Variants in AUTS2 observed in about 807,000 individuals in gnomAD.
AUTS2 encodes the protein autism susceptibility gene 2 protein.
Under a neutral mutation model 112.4 loss-of-function variants are expected in AUTS2, and 17 were observed. The ratio of observed to expected loss-of-function variants is 0.15; its 90% CI spans 0.10 to 0.23. The LOEUF (loss-of-function observed/expected upper bound fraction) is 0.23, where lower values mean the gene tolerates loss of function less well. AUTS2 is among the 10% of genes least tolerant of loss of function. The pLI is 1.00. For synonymous variants in AUTS2, 751 were observed against 702.7 expected (o/e 1.07, Z -1.09); for missense variants, 1,510 against 1,701.6 (o/e 0.89, Z 1.98).
chr7:70,659,803 A>T (rs537628053), intron 5 of AUTS2, among the ~76,000 whole-genome samples: 5 of 152,282 alleles, frequency 3.3e-5, no homozygotes, highest in African/African-American at 1.2e-4. Flanking sequence ...AAGGGAAAAT[A>T]TGGCCAAGGG....
At chr7:70,261,606 C>G (rs558190072) in intron 4 of AUTS2, among the ~76,000 whole-genome samples, 2 of 152,226 alleles carry the variant, frequency 1.3e-5, no homozygotes, top group South Asian at 2.1e-4. Flanking sequence ...ATATCCTGAT[C>G]AAAACATTTA....
At chr7:70,030,563 A>G (rs1800728755) in intron 2 of AUTS2, among the ~76,000 whole-genome samples, 1 of 152,130 alleles carries the variant, frequency 6.6e-6, no homozygotes, top group African/African-American at 2.4e-5. Flanking sequence ...AGAATTCACC[A>G]TATACCCTTC....
Position 70,064,190 on chromosome 7 carries a change from G to A in AUTS2, c.523-53942G>A, listed in dbSNP as rs776621917. On this transcript the variant is annotated intron_variant, in intron 2 of 18. Coordinates refer to ENST00000342771, the MANE Select transcript of AUTS2 (RefSeq NM_015570.4). ...CTTGTCTGTCCTCTGTCAAGGGCTCGTGTACACCATGCTGATTTAGTGCTA... is the reference window on the plus strand; with the variant it reads ...CTTGTCTGTCCTCTGTCAAGGGCTCATGTACACCATGCTGATTTAGTGCTA... Among the ~76,000 whole-genome samples, 5 of 152,274 alleles carry A rather than the reference G, an allele frequency of 3.3e-5. 1 individual carries two copies. In the South Asian group the frequency reaches 6.2e-4, roughly 19 times the overall value.
Position 70,499,578 on chromosome 7 carries a change from T to C in AUTS2, c.690+63797T>C, listed in dbSNP as rs180683601. Among the ~76,000 whole-genome samples, 5 of 152,320 alleles carry C rather than the reference T, an allele frequency of 3.3e-5. No individual in the cohort carries two copies. The East Asian group carries it at 9.7e-4, about 29-fold the overall frequency. Reference sequence around the variant, plus strand: ...CCACTCCCAAGATCCCAGCTACCCCTTGGAGAGGGTGGGTTTCCCACCTCA... The same window carrying C: ...CCACTCCCAAGATCCCAGCTACCCCCTGGAGAGGGTGGGTTTCCCACCTCA... On this transcript the variant is annotated intron_variant, in intron 5 of 18. Transcript: ENST00000342771.
chr7:70,009,414 G>A (rs541616596), intron 2 of AUTS2, among the ~76,000 whole-genome samples: 9 of 152,244 alleles, frequency 5.9e-5, no homozygotes, highest in East Asian at 5.8e-4. Context: ...CGTTGGTATC[G>A]AAAGGAACTA....
chr7:69,603,466 G>C (rs1792543362), intron 1 of AUTS2, among the ~76,000 whole-genome samples: 1 of 152,178 alleles, frequency 6.6e-6, no homozygotes, highest in Non-Finnish European at 1.5e-5. Flanking sequence ...TTTTGCTGTT[G>C]TTGGATTCTT....
chr7:70,784,328 C>G (rs1030499916), intron 15 of AUTS2: 1 of 152,404 alleles, frequency 6.6e-6, no homozygotes, highest in Non-Finnish European at 1.5e-5. Context: ...CCCAGAGCAG[C>G]GTAGCCAAGA....
At chr7:69,794,915 G>A (rs1584256813) in intron 1 of AUTS2, among the ~76,000 whole-genome samples, 1 of 152,092 alleles carries the variant, frequency 6.6e-6, no homozygotes, top group East Asian at 1.9e-4. Context: ...CATGTACCCA[G>A]CCATCTTTCC....
intron 12 of AUTS2, chr7:70,774,317 G>T: frequency 1.8e-6 from 1 of 542,244 alleles, no homozygotes. Flanking sequence ...CTTGCCGATG[G>T]GAGAAAAGAG....
intron 2 of AUTS2, among the ~76,000 whole-genome samples, chr7:69,968,029 G>A (rs980689799): frequency 3.9e-5 from 6 of 152,158 alleles, no homozygotes; most frequent in African/African-American, 9.7e-5. Flanking sequence ...ACTCTGTTCC[G>A]GAGGCATGAT....
chr7:70,057,406 G>A (rs1212663899), intron 2 of AUTS2, among the ~76,000 whole-genome samples: 5 of 152,082 alleles, frequency 3.3e-5, no homozygotes, highest in African/African-American at 7.2e-5. Flanking sequence ...TTTGAGTCTC[G>A]GATAATGGAG....
intron 1 of AUTS2, among the ~76,000 whole-genome samples, chr7:69,742,249 T>G (rs1787301113): frequency 6.6e-6 from 1 of 152,180 alleles, no homozygotes; most frequent in African/African-American, 2.4e-5. Context: ...AGAATTTCCT[T>G]GAGCGAGTGC....
At chr7:70,624,135 A>G (rs1297991777) in intron 5 of AUTS2, among the ~76,000 whole-genome samples, 1 of 152,078 alleles carries the variant, frequency 6.6e-6, no homozygotes, top group Non-Finnish European at 1.5e-5. Flanking sequence ...AAAAATCAAT[A>G]TGAAGATAAA....
At chr7:69,982,807 G>C (rs113378894) in intron 2 of AUTS2, among the ~76,000 whole-genome samples, 2 of 152,200 alleles carry the variant, frequency 1.3e-5, no homozygotes, top group African/African-American at 2.4e-5. Context: ...TTTGGGCACT[G>C]TACTCAGAAT....
intron 4 of AUTS2, among the ~76,000 whole-genome samples, chr7:70,256,894 C>T (rs1786903667): frequency 6.6e-6 from 1 of 151,306 alleles, no homozygotes; most frequent in Admixed American, 6.6e-5. Flanking sequence ...GGAGAATTGC[C>T]TTCACAGTCA....
At chr7:70,720,555 T>C (rs1028607698) in intron 6 of AUTS2, among the ~76,000 whole-genome samples, 6 of 152,184 alleles carry the variant, frequency 3.9e-5, no homozygotes, top group African/African-American at 9.7e-5. Flanking sequence ...ATTGTACATA[T>C]GTTTTAACAC....
chr7:70,646,249 G>C (rs1195705750), intron 5 of AUTS2, among the ~76,000 whole-genome samples: 2 of 152,198 alleles, frequency 1.3e-5, no homozygotes, highest in South Asian at 2.1e-4. Flanking sequence ...TTACTTCCCA[G>C]GGAAAGATTG....
intron 5 of AUTS2, among the ~76,000 whole-genome samples, chr7:70,452,109 T>G (rs922914739): frequency 2.0e-5 from 3 of 152,098 alleles, no homozygotes; most frequent in Non-Finnish European, 4.4e-5. Context: ...TCTGCTTTTG[T>G]GTTTTTTTGT....
chr7:69,652,652 T>A (rs1405856801), intron 1 of AUTS2, among the ~76,000 whole-genome samples: 1 of 151,992 alleles, frequency 6.6e-6, no homozygotes, highest in East Asian at 1.9e-4. Flanking sequence ...CCTCAATTTG[T>A]GAATTTATGG....
Sources: gnomAD v4.1 joint callset for allele counts (sites outside exome capture counted in the v4.1 genomes callset) on GRCh38, gnomAD v4.1.1 for gene constraint, MANE v1.5 for transcripts, NCBI Gene and HGNC (gene_info 2026-07-23, HGNC 2026-07-21) for gene names.